The following CABIN1 variants were observed in gnomAD, a reference collection of about 807,000 sequenced individuals.
The protein encoded by CABIN1 is calcineurin binding protein 1.
Under a neutral mutation model 227.7 loss-of-function variants are expected in CABIN1, and 133 were observed. That is an observed-to-expected ratio of 0.58 (90% confidence interval 0.51 to 0.67). The LOEUF (loss-of-function observed/expected upper bound fraction) is 0.67. Ranked by LOEUF, CABIN1 falls within the 30% of genes least tolerant of loss-of-function variation. The probability of loss-of-function intolerance (pLI) is 0.00; values close to 1 mark genes in which losing one functional copy is unlikely to be tolerated. For missense variants in CABIN1, 2,408 were observed against 2,852.5 expected, an observed-to-expected ratio of 0.84 and a Z score of 3.55; for synonymous variants, 1,086 against 1,155.1, an observed-to-expected ratio of 0.94 and a Z score of 1.21.
intron 1 of CABIN1, among the ~76,000 whole-genome samples, chr22:24,022,328 C>A (rs1286941009): frequency 6.6e-6 from 1 of 152,126 alleles, no homozygotes; most frequent in Non-Finnish European, 1.5e-5. Context: ...ATAGTTTTGT[C>A]ATTTCAAGAA....
At chr22:24,106,811 C>T (rs2042545555) in intron 26 of CABIN1, among the ~76,000 whole-genome samples, 1 of 152,192 alleles carries the variant, frequency 6.6e-6, no homozygotes, top group South Asian at 2.1e-4. Context: ...TCTTTAAGAG[C>T]TTTTTCATTC....
intron 15 of CABIN1, among the ~76,000 whole-genome samples, chr22:24,064,512 GTT>G (rs782268156): frequency 0.012 from 1,286 of 106,838 alleles, 15 homozygotes; most frequent in African/African-American, 0.045. Flanking sequence ...CAGCTGAAAG[GTT>G]TTTTTTTTTT....
At chr22:24,169,994 C>A (rs1262503430) in intron 33 of CABIN1, 3 of 384,128 alleles carry the variant, frequency 7.8e-6, no homozygotes, top group Non-Finnish European at 1.6e-5. Flanking sequence ...GCCAGGGGAC[C>A]CAGGTCCTTA....
At chr22:24,035,270 C>T (rs9608233) in intron 1 of CABIN1, among the ~76,000 whole-genome samples, 174 bp from the exon 2 acceptor site, 5 of 152,132 alleles carry the variant, frequency 3.3e-5, no homozygotes, top group Non-Finnish European at 7.4e-5. Flanking sequence ...TGAATGCTAT[C>T]GTAAGGGACC....
intron 33 of CABIN1, 111 bp from the exon 34 acceptor site, chr22:24,171,602 C>T (rs2046815213): frequency 7.7e-7 from 1 of 1,303,412 alleles, no homozygotes; most frequent in Non-Finnish European, 1.1e-6. Context: ...GTGTTGGCAG[C>T]CCCAGGCGCA....
At chr22:24,152,453 G>A (rs1275579058) in intron 29 of CABIN1, among the ~76,000 whole-genome samples, 3 of 152,126 alleles carry the variant, frequency 2.0e-5, no homozygotes, top group East Asian at 1.9e-4. Flanking sequence ...TGGCTGACTC[G>A]GAACTGTAAG....
At chr22:24,160,771 C>T (rs1020645626) in intron 29 of CABIN1, among the ~76,000 whole-genome samples, 1 of 152,254 alleles carries the variant, frequency 6.6e-6, no homozygotes, top group Non-Finnish European at 1.5e-5. Flanking sequence ...CTTGTCACCT[C>T]GAAGTGGTGC....
At chr22:24,075,379 A>T (rs932533727) in intron 18 of CABIN1, among the ~76,000 whole-genome samples, 7 of 152,220 alleles carry the variant, frequency 4.6e-5, no homozygotes, top group African/African-American at 1.2e-4. Flanking sequence ...TTCTAGTGGT[A>T]AACAAATGTG....
intron 26 of CABIN1, chr22:24,102,504 G>A (rs2042261965): frequency 6.6e-6 from 1 of 152,248 alleles, no homozygotes; most frequent in Admixed American, 6.5e-5. Flanking sequence ...GAACAGCACT[G>A]GTCCCTGCTG....
Position 24,098,222 on chromosome 22 carries a change from C to T in CABIN1, c.4117+30C>T, listed in dbSNP as rs753603443. On this transcript the variant is annotated intron_variant, in intron 26 of 36. Transcript: ENST00000263119. The stretch of plus-strand genomic sequence containing the variant: ...AGTCCCTGTTCTCCCTACTGCCAGC[C>T]CAGGGCGGCACATCAATCACGGGGG... 1.9e-6 allele frequency: 3 copies of T among 1,613,730 alleles called. No individual in the cohort carries two copies. In the Admixed American group the frequency reaches 5.0e-5, roughly 27 times the overall value.
chr22:24,149,636 G>A (rs951573138), intron 29 of CABIN1, among the ~76,000 whole-genome samples: 19 of 152,218 alleles, frequency 1.2e-4, no homozygotes, highest in African/African-American at 4.3e-4. Flanking sequence ...AATTAAGTTA[G>A]GTCAGAGCAG....
intron 29 of CABIN1, among the ~76,000 whole-genome samples, chr22:24,147,878 C>T (rs1226116798): frequency 2.0e-5 from 3 of 151,766 alleles, no homozygotes; most frequent in Non-Finnish European, 2.9e-5. Flanking sequence ...CACTTGCAAG[C>T]GGAGGTGTGG....
At chr22:24,066,815 C>T (rs187116685) in intron 15 of CABIN1, among the ~76,000 whole-genome samples, 172 bp from the exon 16 acceptor site, 3 of 152,258 alleles carry the variant, frequency 2.0e-5, no homozygotes, top group Non-Finnish European at 2.9e-5. Flanking sequence ...TTAACACATA[C>T]GTTTAGTGTA....
intron 28 of CABIN1, among the ~76,000 whole-genome samples, chr22:24,129,295 G>A (rs536379704): frequency 7.2e-5 from 11 of 152,336 alleles, no homozygotes; most frequent in African/African-American, 2.6e-4. Context: ...CAGGAGCTAT[G>A]ACAGTCAGCC....
At chr22:24,077,934 A>G (rs1395073408) in intron 19 of CABIN1, among the ~76,000 whole-genome samples, 1 of 152,150 alleles carries the variant, frequency 6.6e-6, no homozygotes, top group African/African-American at 2.4e-5. Context: ...AATGAATTTG[A>G]GGGAGTAGAA....
Position 24,119,573 on chromosome 22 carries a change from G to A in CABIN1, c.4507G>A (p.Glu1503Lys). ...CCAGGGGCTGCCGGCTGGTGCTGAG[G>A]AGCAGCGGCAGTTTCTCACAGAGCA... The part of the protein sequence containing the change: ...FPQGLPAGAE[E>K]QRQFLTEQCI... Residue 1503 changes from glutamate to lysine, a missense_variant, in exon 28 of 37, where the codon GAG (glutamate) becomes AAG (lysine). Physicochemically the swap from Glu to Lys is moderately conservative, Grantham distance 56 (BLOSUM62 1). Around this residue, in one of 3 missense-constraint regions of CABIN1, gnomAD observed 649 missense variants for 910.3 expected, o/e 0.71. Coordinates refer to ENST00000263119, the MANE Select transcript of CABIN1 (RefSeq NM_012295.4). The A allele has an allele frequency of 6.2e-7, 1 of 1,613,492 alleles. No individual in the cohort carries two copies. Among genetic ancestry groups the A allele is most frequent in the South Asian group, 1.1e-5 (1 of 91,080 alleles).
At position 24,052,263 on chromosome 22, in the gene CABIN1, G is replaced by A. The variant is rs138820106; in HGVS notation, c.806+1289G>A. ...GAGGGAGAAGTAGAAGCAAGAGGGA[G>A]TTAGGCTCAGTAGTTAAATTTGGGA... On this transcript the variant is annotated intron_variant, in intron 8 of 36. Transcript: ENST00000263119. Among the ~76,000 whole-genome samples, 1,326 of 152,236 alleles carry A rather than the reference G, an allele frequency of 8.7e-3. 21 individuals are homozygous for A. Among genetic ancestry groups the A allele is most frequent in the African/African-American group, 0.03 (1,242 of 41,538 alleles).
intron 1 of CABIN1, among the ~76,000 whole-genome samples, chr22:24,023,871 T>TA (rs925548358): frequency 1.3e-5 from 2 of 152,066 alleles, no homozygotes; most frequent in African/African-American, 4.8e-5. Context: ...GTAGCTGGAT[T>TA]ACAGGTGCCT....
intron 25 of CABIN1, among the ~76,000 whole-genome samples, chr22:24,097,647 C>T (rs1443983018): frequency 2.0e-5 from 3 of 152,226 alleles, no homozygotes; most frequent in African/African-American, 7.2e-5. Context: ...TTTCTGTCTG[C>T]CCATTTGTCA....
Sources: allele counts gnomAD v4.1 joint callset (sites outside exome capture counted in the v4.1 genomes callset), GRCh38; gene constraint gnomAD v4.1.1; regional missense constraint gnomAD v4.1.1; transcripts MANE v1.5; gene names NCBI Gene and HGNC (gene_info 2026-07-23, HGNC 2026-07-21).